CHST15: variants seen among roughly 807,000 people sequenced by gnomAD.
CHST15 encodes the protein B cell RAG associated protein (GALNAC4S-6ST).
In CHST15, 30 loss-of-function variants were observed where a neutral mutation model predicts 53.6. The observed-to-expected ratio is 0.56, with a 90% CI of 0.42 to 0.76. The LOEUF (loss-of-function observed/expected upper bound fraction) is 0.76, where lower values mean the gene tolerates loss of function less well. Among genes scored for constraint, CHST15 ranks in the 30% least tolerant of loss-of-function variants. The probability of loss-of-function intolerance (pLI) is 0.00; values close to 1 mark genes in which losing one functional copy is unlikely to be tolerated. For missense variants in CHST15, 627 were observed against 740.5 expected (o/e 0.85, Z 1.78); for synonymous variants, 296 against 289.8 (o/e 1.02, Z -0.22).
At chr10:124,010,875 G>A (rs1946393386) in intron 7 of CHST15, 1 of 985,464 alleles carries the variant, frequency 1.0e-6, no homozygotes, top group Non-Finnish European at 1.2e-6. Context: ...GGCCACTTGT[G>A]CCCAGAGCCC....
intron 5 of CHST15, among the ~76,000 whole-genome samples, chr10:124,037,298 C>T (rs1447240825): frequency 6.6e-6 from 1 of 152,138 alleles, no homozygotes; most frequent in African/African-American, 2.4e-5. Context: ...ATGTAGTTGG[C>T]CCAAAGGAAA....
In CHST15 at chr10:124,009,786, C is replaced by A; in HGVS notation, c.*363G>T. The A allele has an allele frequency of 1.9e-6, 2 of 1,077,258 alleles. No homozygotes were observed. The highest frequency in any genetic ancestry group is 2.3e-6 in the Non-Finnish European group (2 of 885,970). 66.7% of individuals were successfully genotyped at this position (1,077,258 alleles called of 1,614,324 possible). ...ACCTCTGGCTTGCTGACTCAGAACC[C>A]AGAGGCTCTCCAGAAGGCGGAGGCG... On this transcript the variant is annotated 3_prime_UTR_variant, in exon 8 of 8. Coordinates refer to ENST00000435907, the MANE Select transcript of CHST15 (RefSeq NM_001270764.2).
chr10:124,011,959 C>T (rs1461123772), intron 7 of CHST15, among the ~76,000 whole-genome samples: 4 of 152,194 alleles, frequency 2.6e-5, no homozygotes, highest in East Asian at 1.9e-4. Context: ...CTTCCTCATC[C>T]GTGCAGTAGC....
rs1564885128 is a variant in CHST15 at position 124,046,511 on chromosome 10, A to C, written c.-299T>G. ...TCGGGAGCAGCTCTGCCTGCCCTTC[A>C]GGTTTTTCCCATGGCACAAAAAAAG... On this transcript the variant is annotated 5_prime_UTR_variant, in exon 2 of 8. The change abolishes the stop of an existing upstream ORF in the 5' untranslated region. Coordinates refer to ENST00000435907, the MANE Select transcript of CHST15 (RefSeq NM_001270764.2). The C allele has an allele frequency of 3.4e-6, 1 of 291,470 alleles. No homozygotes were observed. The highest frequency in any genetic ancestry group is 6.3e-6 in the Non-Finnish European group (1 of 158,450). The allele number at this position is 291,470 out of a possible 1,614,324, so 18.1% of individuals were successfully genotyped here.
intron 1 of CHST15, among the ~76,000 whole-genome samples, chr10:124,052,762 G>A (rs995927850): frequency 6.6e-5 from 10 of 152,198 alleles, no homozygotes; most frequent in African/African-American, 9.7e-5. Flanking sequence ...CCGGCCGGGC[G>A]CGGTGGCTCA....
rs571472998 is a variant in CHST15 at position 124,019,104 on chromosome 10, G to A, written c.1347+2152C>T. Among the ~76,000 whole-genome samples the A allele has an allele frequency of 1.3e-3, 199 of 152,320 alleles. 2 individuals carry two copies. The highest frequency in any genetic ancestry group is 1.7e-3 in the African/African-American group (72 of 41,574). ...CAGGATGGAAGAGCCACCTGCACCA[G>A]GAAAGTGTAGATGTGGCACGAAATG... is the stretch of plus-strand genomic sequence containing the variant. On this transcript the variant is annotated intron_variant, in intron 6 of 7. Transcript: ENST00000435907. The surrounding 1 kb of genome is among the most constrained non-coding windows in gnomAD (Gnocchi z 4.6).
chr10:124,055,787 A>T (rs1356483586), intron 1 of CHST15, among the ~76,000 whole-genome samples: 1 of 152,220 alleles, frequency 6.6e-6, no homozygotes, highest in East Asian at 1.9e-4. Context: ...AAACGCACCC[A>T]TCCCCAAAGA....
In CHST15 at chr10:124,045,967, G is replaced by A. The variant is rs201249961; in HGVS notation, c.246C>T (p.Leu82=). 5.5e-5 allele frequency: 88 copies of A among 1,614,128 alleles called. No homozygotes were observed. In the East Asian group the frequency reaches 1.3e-3, roughly 24 times the overall value. The change falls in exon 2 of 8, where the codon CTC becomes CTT. Residue 82 remains leucine, a synonymous_variant. Transcript: ENST00000435907. Reference sequence around the variant, plus strand: ...AGGTCATTATTATCAGTCCAAAAACGAGGCTACATCGCTTCCCCTTTTTGA... The same window carrying A: ...AGGTCATTATTATCAGTCCAAAAACAAGGCTACATCGCTTCCCCTTTTTGA... ...LRFKKGKRCS[L]VFGLIIMTLV...
At chr10:124,092,718 G>A (rs1949642106) in intron 1 of CHST15, among the ~76,000 whole-genome samples, 2 of 152,178 alleles carry the variant, frequency 1.3e-5, no homozygotes, top group Admixed American at 1.3e-4. Flanking sequence ...ACCTGCCCCG[G>A]GCCGCGCCTG....
intron 1 of CHST15, among the ~76,000 whole-genome samples, chr10:124,072,680 G>T (rs894093119): frequency 2.6e-5 from 4 of 152,180 alleles, no homozygotes; most frequent in African/African-American, 9.7e-5. Flanking sequence ...TTGCTTCATT[G>T]CATGCAGACA....
At chr10:124,030,372 A>G (rs1447359888) in intron 5 of CHST15, among the ~76,000 whole-genome samples, 1 of 152,212 alleles carries the variant, frequency 6.6e-6, no homozygotes, top group Non-Finnish European at 1.5e-5. Flanking sequence ...GCCTGAACCC[A>G]CCAGGAATCA....
intron 1 of CHST15, among the ~76,000 whole-genome samples, chr10:124,066,302 G>A (rs1222722934): frequency 6.6e-6 from 1 of 152,086 alleles, no homozygotes; most frequent in Non-Finnish European, 1.5e-5. Context: ...AGAAAGAGAC[G>A]GATGTTTCTC....
At chr10:124,040,610 C>T (rs557104878) in intron 4 of CHST15, among the ~76,000 whole-genome samples, 13 of 152,288 alleles carry the variant, frequency 8.5e-5, no homozygotes, top group African/African-American at 2.2e-4. Context: ...AAAGAGGAAG[C>T]GCTGGGGCAG....
chr10:124,087,200 C>T (rs28423034), intron 1 of CHST15, among the ~76,000 whole-genome samples: 41,038 of 152,066 alleles, frequency 0.27, 6,372 homozygotes, highest in South Asian at 0.37. Flanking sequence ...AAAGGTGCCA[C>T]GGGCCCAGTC....
intron 1 of CHST15, among the ~76,000 whole-genome samples, chr10:124,081,774 C>A (rs1421874832): frequency 6.6e-6 from 1 of 152,092 alleles, no homozygotes; most frequent in Non-Finnish European, 1.5e-5. Flanking sequence ...ATGCAAGAAA[C>A]CTGGCCCAGG....
chr10:124,021,693 G>A (rs1018557817), intron 5 of CHST15, among the ~76,000 whole-genome samples: 7 of 152,102 alleles, frequency 4.6e-5, no homozygotes, highest in South Asian at 2.1e-4. Context: ...ATCTCAGGCA[G>A]CCTCTGTTTT....
intron 1 of CHST15, among the ~76,000 whole-genome samples, chr10:124,081,339 TGCATGCACACACATGCAC>T (rs60081134): frequency 0.68 from 102,394 of 150,484 alleles, 35,223 homozygotes; most frequent in African/African-American, 0.78. Flanking sequence ...TCCAGGTCCA[TGCATGCACACACATGCAC>T]GCATGCACAC....
chr10:124,040,400 A>G (rs1303091005), intron 4 of CHST15, among the ~76,000 whole-genome samples: 2 of 152,218 alleles, frequency 1.3e-5, no homozygotes, highest in Non-Finnish European at 2.9e-5. Flanking sequence ...GAGTACCACG[A>G]TGGGTACCTG....
At chr10:124,081,255 A>G (rs1056648297) in intron 1 of CHST15, among the ~76,000 whole-genome samples, 4 of 152,240 alleles carry the variant, frequency 2.6e-5, no homozygotes, top group Non-Finnish European at 5.9e-5. Flanking sequence ...GGAGAACTGG[A>G]AATTCTCATT....
Sources: allele counts gnomAD v4.1 joint callset (sites outside exome capture counted in the v4.1 genomes callset), GRCh38; gene constraint gnomAD v4.1.1; non-coding constraint Gnocchi (gnomAD v3.1); transcripts MANE v1.5; gene names NCBI Gene and HGNC (gene_info 2026-07-23, HGNC 2026-07-21).